PREX2: variants seen among roughly 807,000 people sequenced by gnomAD.
PREX2 encodes phosphatidylinositol-3,4,5-trisphosphate dependent Rac exchange factor 2, also known as phosphatidylinositol 3,4,5-trisphosphate-dependent Rac exchanger 2 protein.
In PREX2, 107 loss-of-function variants were observed where a neutral mutation model predicts 203.2. That is an observed-to-expected ratio of 0.53 (90% confidence interval 0.45 to 0.62). The LOEUF (loss-of-function observed/expected upper bound fraction) is 0.62. Among genes scored for constraint, PREX2 ranks in the 20% least tolerant of loss-of-function variants. PREX2 has a pLI of 0.00. For synonymous variants in PREX2, 672 were observed against 663.6 expected, an observed-to-expected ratio of 1.01 and a Z score of -0.19; for missense variants, 1,777 against 1,955.9, an observed-to-expected ratio of 0.91 and a Z score of 1.72.
chr8:67,955,147 C>CAAAA (rs1183491822), intron 1 of PREX2, among the ~76,000 whole-genome samples: 18 of 51,904 alleles, frequency 3.5e-4, no homozygotes, highest in African/African-American at 4.7e-4. Context: ...GACTCCATCT[C>CAAAA]AAAAAAAAAA....
chr8:67,998,476 A>C (rs1475956290), intron 1 of PREX2, among the ~76,000 whole-genome samples: 1 of 152,206 alleles, frequency 6.6e-6, no homozygotes, highest in African/African-American at 2.4e-5. Flanking sequence ...TGCAGCCTCT[A>C]TAAGTTCCTG....
At chr8:68,072,954 C>T (rs1471837025) in intron 14 of PREX2, among the ~76,000 whole-genome samples, 1 of 151,560 alleles carries the variant, frequency 6.6e-6, no homozygotes, top group African/African-American at 2.4e-5. Context: ...TGCCTTTTTC[C>T]CTTTTAGAAA....
At chr8:68,167,592 C>T (rs528884735) in intron 35 of PREX2, among the ~76,000 whole-genome samples, 9 of 152,182 alleles carry the variant, frequency 5.9e-5, no homozygotes, top group Non-Finnish European at 1.0e-4. Context: ...CTTGGCCTCC[C>T]GAAGTGCTGG....
intron 37 of PREX2, among the ~76,000 whole-genome samples, chr8:68,209,407 A>G (rs1184592090): frequency 3.3e-5 from 5 of 152,224 alleles, no homozygotes; most frequent in African/African-American, 1.2e-4. Flanking sequence ...AAATGATTTT[A>G]TGTTCTAAGA....
chr8:68,069,971 G>A (rs184772517), intron 13 of PREX2, 87 bp downstream of exon 13: 18 of 673,960 alleles, frequency 2.7e-5, no homozygotes, highest in Middle Eastern at 3.6e-4. Flanking sequence ...AGAACTTGTT[G>A]GCTTATTTTG....
intron 7 of PREX2, among the ~76,000 whole-genome samples, chr8:68,039,543 C>T (rs760115704): frequency 4.6e-5 from 7 of 152,126 alleles, no homozygotes; most frequent in Non-Finnish European, 7.3e-5. Flanking sequence ...GTCAGTTGCT[C>T]TCAAATCTCT....
rs530350666 is a variant in PREX2 at position 68,216,877 on chromosome 8, G to T, written c.4605-739G>T. ...CTTGGGAGACTGAGGCAGGAGAATT[G>T]CTTGAACCTGGGAGGCAGAGGTTGC... is the stretch of plus-strand genomic sequence containing the variant. On this transcript the variant is annotated intron_variant, in intron 37 of 39. Transcript: ENST00000288368. 1.6e-4 allele frequency among the ~76,000 whole-genome samples: 24 copies of T among 151,484 alleles called. No individual in the cohort carries two copies. The East Asian group carries it at 4.3e-3, about 27-fold the overall frequency.
chr8:68,005,659 T>A (rs778129921), intron 1 of PREX2, among the ~76,000 whole-genome samples: 16 of 152,230 alleles, frequency 1.1e-4, no homozygotes, highest in Non-Finnish European at 2.2e-4. Context: ...TCTCACTTCC[T>A]TAAAGTCTCT....
intron 34 of PREX2, among the ~76,000 whole-genome samples, chr8:68,147,738 A>C (rs1811356884): frequency 6.6e-6 from 1 of 152,198 alleles, no homozygotes; most frequent in African/African-American, 2.4e-5. Flanking sequence ...CCTCAAATAT[A>C]CTTGGCAGGA....
intron 35 of PREX2, among the ~76,000 whole-genome samples, chr8:68,158,515 A>G (rs1476833282): frequency 1.3e-5 from 2 of 152,134 alleles, no homozygotes; most frequent in Non-Finnish European, 2.9e-5. Flanking sequence ...GTGAGCTGAT[A>G]CAAAGTTGTT....
intron 1 of PREX2, among the ~76,000 whole-genome samples, chr8:67,977,061 CT>C (rs1480404531): frequency 2.0e-5 from 3 of 152,174 alleles, no homozygotes; most frequent in African/African-American, 4.8e-5. Context: ...TGTCTCCCCC[CT>C]AAATGTATAT....
chr8:68,003,436 G>T (rs1807002856), intron 1 of PREX2, among the ~76,000 whole-genome samples: 1 of 152,164 alleles, frequency 6.6e-6, no homozygotes, highest in African/African-American at 2.4e-5. Flanking sequence ...CCTTTCTTGG[G>T]TGGAGCTAGT....
At chr8:68,156,503 T>C (rs1232939078) in intron 34 of PREX2, among the ~76,000 whole-genome samples, 2 of 152,244 alleles carry the variant, frequency 1.3e-5, no homozygotes, top group African/African-American at 2.4e-5. Context: ...AAGAATGTTG[T>C]AGGGGAGGAA....
chr8:68,070,885 T>C (rs930796900), intron 13 of PREX2, among the ~76,000 whole-genome samples: 3 of 152,122 alleles, frequency 2.0e-5, no homozygotes, highest in African/African-American at 7.2e-5. Flanking sequence ...ATCCTGAAAG[T>C]GCCCTATTTA....
At chr8:68,203,814 CAGAT>C (rs1414300017) in intron 37 of PREX2, among the ~76,000 whole-genome samples, 1 of 152,112 alleles carries the variant, frequency 6.6e-6, no homozygotes, top group Non-Finnish European at 1.5e-5. Context: ...TTCAGTGTCT[CAGAT>C]AAACAGGCCA....
At chr8:68,036,990 A>G (rs1372638621) in intron 6 of PREX2, among the ~76,000 whole-genome samples, 1 of 152,160 alleles carries the variant, frequency 6.6e-6, no homozygotes, top group African/African-American at 2.4e-5. Context: ...TTGCAATACA[A>G]AGATAATCAA....
At chr8:68,187,865 C>T (rs956800483) in intron 35 of PREX2, among the ~76,000 whole-genome samples, 1 of 152,162 alleles carries the variant, frequency 6.6e-6, no homozygotes, top group African/African-American at 2.4e-5. Context: ...TTGTGGGCTA[C>T]ACTGAGGCCT....
At chr8:68,084,196 C>A (rs35001611) in intron 18 of PREX2, among the ~76,000 whole-genome samples, 33,039 of 151,916 alleles carry the variant, frequency 0.22, 3,879 homozygotes, top group African/African-American at 0.31. Context: ...TGTTTAACCA[C>A]TTAATTAATT....
At chr8:67,952,595 G>C (rs1563467042) in intron 1 of PREX2, 60 bp downstream of exon 1, 6 of 1,571,768 alleles carry the variant, frequency 3.8e-6, no homozygotes, top group Non-Finnish European at 5.2e-6. Context: ...GGGTCCCGGA[G>C]TGGCTGCGGG....
Sources: gnomAD v4.1 joint callset for allele counts (sites outside exome capture counted in the v4.1 genomes callset) on GRCh38, gnomAD v4.1.1 for gene constraint, MANE v1.5 for transcripts, NCBI Gene and HGNC (gene_info 2026-07-23, HGNC 2026-07-21) for gene names.